The following RBPJL variants were observed in gnomAD, a reference collection of about 807,000 sequenced individuals.
RBPJL encodes recombining binding protein suppressor of hairless-like protein.
RBPJL carries 50 observed loss-of-function variants against 57.6 expected under a neutral mutation model. The observed-to-expected ratio is 0.87, with a 90% confidence interval of 0.69 to 1.10. The LOEUF (loss-of-function observed/expected upper bound fraction) is 1.10. RBPJL is among the 50% of genes least tolerant of loss of function. The pLI is 0.00. For synonymous variants in RBPJL, 303 were observed against 294.4 expected (o/e 1.03, Z -0.30); for missense variants, 684 against 693.7 (o/e 0.99, Z 0.16).
intron 5 of RBPJL, 68 bp downstream of exon 5, chr20:45,312,022 CT>C (rs1396589159): frequency 2.2e-5 from 32 of 1,449,928 alleles, no homozygotes; most frequent in Admixed American, 9.4e-5. Context: ...AGGAGGGCTC[CT>C]TTACTCCCCT....
chr20:45,310,808 C>T (rs1347258508), intron 3 of RBPJL, among the ~76,000 whole-genome samples: 2 of 151,994 alleles, frequency 1.3e-5, no homozygotes, highest in African/African-American at 4.8e-5. Context: ...CATGATTTGA[C>T]TCATGTTTTT....
rs1307803386 is a variant in RBPJL at position 45,312,395 on chromosome 20, C to T, written c.619C>T (p.Leu207=). The T allele has an allele frequency of 1.6e-5, 26 of 1,612,558 alleles. No homozygotes were observed. Among genetic ancestry groups the T allele is most frequent in the Non-Finnish European group, 2.0e-5 (24 of 1,179,532 alleles). The change falls in exon 6 of 12, where the codon CTG becomes TTG. Residue 207 remains leucine (L), a splice_region_variant and synonymous_variant. Transcript: ENST00000343694. The part of the protein sequence containing the change: ...QKKQSLKNTD[L]CISSGSKVSL... The stretch of plus-strand genomic sequence containing the variant: ...GAAGCAGTCGCTGAAAAACACCGAT[C>T]GTGAGCAGGGCGGGGCCTGACCCCC...
intron 2 of RBPJL, 147 bp downstream of exon 2, chr20:45,308,398 C>G: frequency 1.6e-6 from 1 of 610,444 alleles, no homozygotes; most frequent in Admixed American, 2.7e-5. Context: ...AGGGATCCCC[C>G]CTTCCTCCTG....
chr20:45,313,132 A>G (rs747525502), intron 6 of RBPJL, among the ~76,000 whole-genome samples: 1 of 152,168 alleles, frequency 6.6e-6, no homozygotes, highest in Non-Finnish European at 1.5e-5. Context: ...GTGAACTGGG[A>G]ATGCCCAGTG....
At chr20:45,314,338 A>G (rs1315423367) in intron 8 of RBPJL, 75 bp from the exon 9 acceptor site, 1 of 1,527,654 alleles carries the variant, frequency 6.5e-7, no homozygotes, top group African/African-American at 1.4e-5. Flanking sequence ...GGAGTAGCAG[A>G]CAGCCGGCTA....
At chr20:45,307,306 C>T (rs568390407) in intron 1 of RBPJL, among the ~76,000 whole-genome samples, 1 of 152,288 alleles carries the variant, frequency 6.6e-6, no homozygotes, top group South Asian at 2.1e-4. Flanking sequence ...CTATTCTGAG[C>T]GAGGCCAGTG....
chr20:45,314,595 G>A, intron 9 of RBPJL, 30 bp downstream of exon 9: 3 of 1,600,060 alleles, frequency 1.9e-6, no homozygotes, highest in Non-Finnish European at 2.6e-6. Flanking sequence ...AGCACCAAGT[G>A]TCCTGGAAAG....
chr20:45,317,292 A>C lies in RBPJL; in HGVS notation c.*333A>C. 3.0e-6 allele frequency: 1 copy of C among 338,470 alleles called. No individual in the cohort carries two copies. 21.0% of individuals were successfully genotyped at this position (338,470 alleles called of 1,614,324 possible). On this transcript the variant is annotated 3_prime_UTR_variant, in exon 12 of 12. Transcript: ENST00000343694. ...TCTACAGACCTATGTGCGTGTCCCT[A>C]TCCTTCTGTCCTTTTCTCTCTTCAG...
intron 2 of RBPJL, among the ~76,000 whole-genome samples, chr20:45,308,757 C>G (rs997280157): frequency 1.3e-5 from 2 of 151,898 alleles, no homozygotes; most frequent in African/African-American, 4.8e-5. Context: ...AACCTGCTAA[C>G]CCCCCAAATC....
intron 7 of RBPJL, 72 bp downstream of exon 7, chr20:45,313,677 CTT>C: frequency 7.0e-7 from 1 of 1,427,500 alleles, no homozygotes; most frequent in Non-Finnish European, 9.4e-7. Context: ...ACCACAACTC[CTT>C]AAGGAAGGTA....
At position 45,306,954 on chromosome 20, in the gene RBPJL, TA is replaced by T; in HGVS notation, c.22+11del. 1 of 1,252,790 alleles carries T rather than the reference TA, an allele frequency of 8.0e-7. No individual in the cohort carries two copies. Among genetic ancestry groups the T allele is most frequent in the Non-Finnish European group, 1.0e-6 (1 of 990,428 alleles). The allele number at this position is 1,252,790 out of a possible 1,614,324, so 77.6% of individuals were successfully genotyped here. A position where few individuals can be genotyped will look rare whatever the true frequency, so the allele number is the denominator to read the frequency against. The stretch of plus-strand genomic sequence containing the variant: ...CCCGCAGGGGCAGCAGGTGAGCGCT[TA>T]CCCTCCCGAGGCCCCGGAGACGCCC... On this transcript the variant is annotated intron_variant, in intron 1 of 11. Coordinates refer to ENST00000343694, the MANE Select transcript of RBPJL (RefSeq NM_014276.4).
Position 45,316,862 on chromosome 20 carries a change from C to T in RBPJL, c.1457C>T (p.Pro486Leu). 6.2e-7 allele frequency: 1 copy of T among 1,613,896 alleles called. No homozygotes were observed. Among genetic ancestry groups the T allele is most frequent in the Non-Finnish European group, 8.5e-7 (1 of 1,179,844 alleles). The change falls in exon 12 of 12, where the codon CCC (proline) becomes CTC (leucine). Residue 486 changes from proline (P) to leucine (L), a missense_variant. Coordinates refer to ENST00000343694, the MANE Select transcript of RBPJL (RefSeq NM_014276.4). ...GAATACAGCGTGCGGCCGGGTCACC[C>T]CGGCGTCCCCGAGCCCGCCACCGAC... ...TPEYSVRPGH[P>L]GVPEPATDAD...
intron 8 of RBPJL, 116 bp downstream of exon 8, chr20:45,314,260 C>T (rs771847649): frequency 8.1e-7 from 1 of 1,230,384 alleles, no homozygotes; most frequent in Admixed American, 1.8e-5. Flanking sequence ...CTGTTCTCAC[C>T]CAGTGTCGCG....
At chr20:45,307,373 C>T (rs1986810653) in intron 1 of RBPJL, among the ~76,000 whole-genome samples, 1 of 152,160 alleles carries the variant, frequency 6.6e-6, no homozygotes, top group Admixed American at 6.5e-5. Context: ...TTTTCCCCTC[C>T]CAGGCCTGGT....
intron 6 of RBPJL, 108 bp downstream of exon 6, chr20:45,312,503 A>T (rs1253862744): frequency 1.3e-5 from 15 of 1,155,540 alleles, no homozygotes; most frequent in Admixed American, 2.4e-5. Flanking sequence ...TAGGGGTCAG[A>T]GTGGAAAAGG....
In RBPJL at chr20:45,316,959, G is replaced by A. The variant is rs1987510204; in HGVS notation, c.1554G>A (p.Ter518=). 6.2e-7 allele frequency: 1 copy of A among 1,608,402 alleles called. No homozygotes were observed. The highest frequency in any genetic ancestry group is 1.7e-4 in the Middle Eastern group (1 of 6,038). ...ACTTCCACCTCTTCATCCAGACTTA[G>A]GCGCGCCCGGTAGCCCCGGCTGCCC... ...RTNFHLFIQT[*] The change falls in exon 12 of 12, where the codon TAG becomes TAA. Residue 518 remains the stop codon, a stop_retained_variant. Coordinates refer to ENST00000343694, the MANE Select transcript of RBPJL (RefSeq NM_014276.4).
rs1446229547 is a variant in RBPJL, at chr20:45,316,461, T to C, written c.1177-16T>C. 1 of 1,552,208 alleles carries C rather than the reference T, an allele frequency of 6.4e-7. No homozygotes were observed. ...TACTTGGTTCTCTCACCTCACCTGG[T>C]CCCACCCTCCCCCAGCTGAGCGGCG... On this transcript the variant is annotated splice_polypyrimidine_tract_variant and intron_variant, in intron 10 of 11. Transcript: ENST00000343694.
intron 2 of RBPJL, 96 bp downstream of exon 2, chr20:45,308,347 G>A: frequency 1.3e-6 from 1 of 794,336 alleles, no homozygotes; most frequent in Non-Finnish European, 2.1e-6. Flanking sequence ...CTGGCGGGTG[G>A]GGAGGGGAAG....
chr20:45,313,771 A>C (rs1184393280), intron 7 of RBPJL, among the ~76,000 whole-genome samples, 166 bp downstream of exon 7: 1 of 152,202 alleles, frequency 6.6e-6, no homozygotes, highest in Non-Finnish European at 1.5e-5. Context: ...GTTCCAAGCT[A>C]TTCTGACTCC....
Sources: allele counts gnomAD v4.1 joint callset (sites outside exome capture counted in the v4.1 genomes callset), GRCh38; gene constraint gnomAD v4.1.1; transcripts MANE v1.5; gene names NCBI Gene and HGNC (gene_info 2026-07-23, HGNC 2026-07-21).